IMPG1: variants seen among roughly 807,000 people sequenced by gnomAD.
IMPG1 encodes the protein interphotoreceptor matrix proteoglycan 1.
IMPG1 carries 85 observed loss-of-function variants against 92.0 expected under a neutral mutation model. The ratio of observed to expected loss-of-function variants is 0.92; its 90% CI spans 0.78 to 1.11. The LOEUF is 1.11. Among genes scored for constraint, IMPG1 ranks in the 50% least tolerant of loss-of-function variants. The pLI is 0.00. For missense variants in IMPG1, 1,022 were observed against 956.0 expected (o/e 1.07, Z -0.91); for synonymous variants, 367 against 334.1 (o/e 1.10, Z -1.08).
intron 1 of IMPG1, among the ~76,000 whole-genome samples, chr6:76,062,653 T>C (rs537220311): frequency 6.9e-4 from 105 of 152,320 alleles, no homozygotes; most frequent in Non-Finnish European, 1.1e-3. Flanking sequence ...TGTGTTGAAT[T>C]GAACCTTTCT....
At chr6:76,043,006 C>T (rs543971884) in intron 1 of IMPG1, among the ~76,000 whole-genome samples, 1 of 152,140 alleles carries the variant, frequency 6.6e-6, no homozygotes, top group South Asian at 2.1e-4. Flanking sequence ...TACTGAGGCT[C>T]AGAGTGGCAG....
chr6:76,062,289 G>C (rs1025652089), intron 1 of IMPG1, among the ~76,000 whole-genome samples: 14 of 152,126 alleles, frequency 9.2e-5, no homozygotes, highest in Non-Finnish European at 1.9e-4. Context: ...AAAATAATTA[G>C]TAACAATTAG....
At chr6:75,938,698 A>T (rs1293610991) in intron 14 of IMPG1, among the ~76,000 whole-genome samples, 1 of 152,118 alleles carries the variant, frequency 6.6e-6, no homozygotes, top group African/African-American at 2.4e-5. Context: ...CTGTGATACC[A>T]ACTGCTTAGG....
intron 15 of IMPG1, among the ~76,000 whole-genome samples, chr6:75,924,553 AATATAAT>A (rs1781495542): frequency 2.8e-5 from 1 of 35,842 alleles, no homozygotes; most frequent in East Asian, 6.2e-4. Flanking sequence ...TAATATAATT[AATATAAT>A]TATATATTAT....
intron 15 of IMPG1, among the ~76,000 whole-genome samples, chr6:75,925,194 A>G (rs1390411393): frequency 1.3e-5 from 2 of 152,180 alleles, no homozygotes; most frequent in Non-Finnish European, 2.9e-5. Flanking sequence ...TGCACAATGT[A>G]TACATGTATT....
rs146227688 is a variant in IMPG1, at chr6:76,021,354, C to T, written c.666+762G>A. ...CCTCCCTAAAACGTATGAAACCAAG[C>T]TTCACCCTGACAACCTTGGACACAT... On this transcript the variant is annotated intron_variant, in intron 6 of 16. Coordinates refer to ENST00000369950, the MANE Select transcript of IMPG1 (RefSeq NM_001563.4). 9.9e-5 allele frequency among the ~76,000 whole-genome samples: 15 copies of T among 152,248 alleles called. 1 individual carries two copies. The highest frequency in any genetic ancestry group is 3.4e-4 in the African/African-American group (14 of 41,534).
chr6:75,950,788 A>G lies in IMPG1; in HGVS notation c.1598T>C (p.Val533Ala), dbSNP rs752974663. Residue 533 changes from valine (V) to alanine (A), a missense_variant, in exon 13 of 17, where the codon GTA (valine) becomes GCA (alanine). Coordinates refer to ENST00000369950, the MANE Select transcript of IMPG1 (RefSeq NM_001563.4). ...AGAAACATATTCGCTGAGCTCTGGTACCTCAGATGGGGCAGGAGTGTCAGA... is the reference window on the plus strand; with the variant it reads ...AGAAACATATTCGCTGAGCTCTGGTGCCTCAGATGGGGCAGGAGTGTCAGA... The part of the protein sequence containing the change: ...DLSDTPAPSE[V>A]PELSEYVSVP... 6.2e-7 allele frequency: 1 copy of G among 1,613,962 alleles called. No individual in the cohort carries two copies. Among genetic ancestry groups the G allele is most frequent in the Admixed American group, 1.7e-5 (1 of 59,946 alleles).
chr6:75,947,283 C>G, intron 14 of IMPG1, 31 bp downstream of exon 14: 1 of 1,527,238 alleles, frequency 6.5e-7, no homozygotes. Flanking sequence ...AACAAAACAT[C>G]TCTACCACTT....
chr6:76,016,330 A>C (rs1456836746), intron 7 of IMPG1, among the ~76,000 whole-genome samples: 1 of 152,232 alleles, frequency 6.6e-6, no homozygotes, highest in East Asian at 1.9e-4. Flanking sequence ...AAAATTGACA[A>C]TAGATCATCA....
chr6:75,942,555 G>C (rs1390243695), intron 14 of IMPG1, among the ~76,000 whole-genome samples: 2 of 152,150 alleles, frequency 1.3e-5, no homozygotes, highest in African/African-American at 4.8e-5. Flanking sequence ...TCTTTTCTAG[G>C]AATCTGAAGT....
intron 1 of IMPG1, among the ~76,000 whole-genome samples, chr6:76,058,922 A>G (rs1014038212): frequency 6.6e-6 from 1 of 152,162 alleles, no homozygotes; most frequent in African/African-American, 2.4e-5. Flanking sequence ...AAAGAGCAAG[A>G]TTTCTATTGT....
At chr6:75,997,437 A>C (rs1247071207) in intron 12 of IMPG1, among the ~76,000 whole-genome samples, 4 of 152,140 alleles carry the variant, frequency 2.6e-5, no homozygotes, top group African/African-American at 9.7e-5. Context: ...GGAAGTGTAC[A>C]TTTTTGGGCT....
intron 2 of IMPG1, among the ~76,000 whole-genome samples, chr6:76,035,499 CAAAAAAAAAA>C (rs34929063): frequency 1.6e-5 from 1 of 62,170 alleles, no homozygotes; most frequent in Non-Finnish European, 3.0e-5. Context: ...AACTCCGTCT[CAAAAAAAAAA>C]AAAAAAAAAA....
At chr6:76,011,256 T>C (rs1477737214) in intron 7 of IMPG1, 32 bp from the exon 8 acceptor site, 5 of 1,225,966 alleles carry the variant, frequency 4.1e-6, no homozygotes, top group Non-Finnish European at 4.8e-6. Context: ...TAAAATACTC[T>C]TTGGTTCTGC....
intron 12 of IMPG1, among the ~76,000 whole-genome samples, chr6:75,981,384 G>A (rs775114903): frequency 1.1e-4 from 16 of 152,134 alleles, no homozygotes; most frequent in Non-Finnish European, 2.1e-4. Context: ...CTTTAGAGGC[G>A]TTCTTCCATT....
intron 12 of IMPG1, among the ~76,000 whole-genome samples, chr6:75,961,538 CAA>C (rs1782212549): frequency 6.6e-6 from 1 of 152,024 alleles, no homozygotes; most frequent in Admixed American, 6.6e-5. Flanking sequence ...AAAAACAAAA[CAA>C]AAACCAAAAC....
Position 76,002,921 on chromosome 6 carries a change from G to A in IMPG1, c.1288C>T (p.Pro430Ser). The change falls in exon 12 of 17, where the codon CCT (proline) becomes TCT (serine). Residue 430 changes from proline (P) to serine (S), a missense_variant. By Grantham distance (74) the Pro-to-Ser change is moderately conservative (BLOSUM62 -1). Coordinates refer to ENST00000369950, the MANE Select transcript of IMPG1 (RefSeq NM_001563.4). Reference sequence around the variant, plus strand: ...GACTTTGTGAGGGGAAACTTACCAGGTAGACCATGCTCTGCTCCGTCCACT... The same window carrying A: ...GACTTTGTGAGGGGAAACTTACCAGATAGACCATGCTCTGCTCCGTCCACT... ...ETVDGAEHGL[P>S]DTSWSPPAMA... is the part of the protein sequence containing the mutation. 6.2e-7 allele frequency: 1 copy of A among 1,611,868 alleles called. No individual in the cohort carries two copies. Among genetic ancestry groups the A allele is most frequent in the Non-Finnish European group, 8.5e-7 (1 of 1,178,060 alleles).
At position 76,022,181 on chromosome 6, in the gene IMPG1, G is replaced by C. The variant is rs759925201; in HGVS notation, c.601C>G (p.Pro201Ala). The C allele has an allele frequency of 1.8e-5, 28 of 1,596,116 alleles. No homozygotes were observed. Among genetic ancestry groups the C allele is most frequent in the Non-Finnish European group, 2.4e-5 (28 of 1,167,676 alleles). ...NVSLGPFPLTPDDTLLNEILD... is the reference protein window; with the variant it reads ...NVSLGPFPLTADDTLLNEILD... ...ATTTCATTGAGGAGGGTGTCATCAGGAGTGAGAGGGAAAGGCCCAAGTGAG... is the reference window on the plus strand; with the variant it reads ...ATTTCATTGAGGAGGGTGTCATCAGCAGTGAGAGGGAAAGGCCCAAGTGAG... Residue 201 changes from proline to alanine, a missense_variant, in exon 6 of 17, where the codon CCT becomes GCT. Pro to Ala is a conservative substitution (Grantham distance 27). Transcript: ENST00000369950.
chr6:76,068,710 T>A (rs1023577046), intron 1 of IMPG1, among the ~76,000 whole-genome samples: 23 of 151,594 alleles, frequency 1.5e-4, no homozygotes, highest in Admixed American at 1.1e-3. Flanking sequence ...ATAGGTGGGG[T>A]TTCACCATGT....
Sources: allele counts gnomAD v4.1 joint callset (sites outside exome capture counted in the v4.1 genomes callset), GRCh38; gene constraint gnomAD v4.1.1; transcripts MANE v1.5; gene names NCBI Gene and HGNC (gene_info 2026-07-23, HGNC 2026-07-21).